Variants in SPECC1L observed in about 807,000 individuals in gnomAD.
SPECC1L encodes the protein sperm antigen with calponin homology and coiled-coil domains 1 like, also known as cytospin-A.
A neutral mutation model predicts 116.8 loss-of-function variants in SPECC1L; 40 were observed. The ratio of observed to expected loss-of-function variants is 0.34; its 90% confidence interval spans 0.27 to 0.45. The LOEUF (loss-of-function observed/expected upper bound fraction) is 0.45, where lower values mean the gene tolerates loss of function less well. Among genes scored for constraint, SPECC1L ranks in the 20% least tolerant of loss-of-function variants. The pLI is 1.00. For synonymous variants in SPECC1L, 504 were observed against 500.6 expected (o/e 1.01, Z -0.09); for missense variants, 1,110 against 1,373.6 (o/e 0.81, Z 3.03).
chr22:24,389,373 C>G (rs902496798), intron 14 of SPECC1L, among the ~76,000 whole-genome samples: 2 of 152,076 alleles, frequency 1.3e-5, no homozygotes, highest in South Asian at 2.1e-4. Flanking sequence ...CCTCAACCCC[C>G]CAAAGTGCTG....
Position 24,338,420 on chromosome 22 carries a change from G to T in SPECC1L, c.2595G>T (p.Thr865=), listed in dbSNP as rs768420598. 6.2e-7 allele frequency: 1 copy of T among 1,613,964 alleles called. No homozygotes were observed. The highest frequency in any genetic ancestry group is 8.5e-7 in the Non-Finnish European group (1 of 1,179,936). Residue 865 remains threonine, a synonymous_variant, in exon 10 of 17, where the codon ACG becomes ACT. Coordinates refer to ENST00000314328, the MANE Select transcript of SPECC1L (RefSeq NM_015330.6). The part of the protein sequence containing the change: ...PNPAAAAIPR[T]PLSPSPMKTP... ...CTGCTGCAGCTGCAATTCCTCGAAC[G>T]CCCCTGAGCCCAAGTCCTATGAAAA... is the stretch of plus-strand genomic sequence containing the variant.
At position 24,416,527 on chromosome 22, in the gene SPECC1L, T is replaced by A. The variant is rs1207657310; in HGVS notation, c.*1904T>A. ...TAAGTGTCTCTCCACTTAGGTGTCC[T>A]CAGTTCCCACTTTTGCTCTCATTTG... is the stretch of plus-strand genomic sequence containing the variant. On this transcript the variant is annotated 3_prime_UTR_variant, in exon 17 of 17. Transcript: ENST00000314328. 2 of 152,318 alleles carry A rather than the reference T, an allele frequency of 1.3e-5. No individual in the cohort carries two copies. The highest frequency in any genetic ancestry group is 2.9e-5 in the Non-Finnish European group (2 of 68,068). The allele number at this position is 152,318 out of a possible 1,614,324, so 9.4% of individuals were successfully genotyped here.
intron 2 of SPECC1L, among the ~76,000 whole-genome samples, chr22:24,286,981 A>AT: frequency 6.6e-6 from 1 of 152,232 alleles, no homozygotes; most frequent in East Asian, 1.9e-4. Context: ...GTCTAAGTAT[A>AT]CCCTAAATGT....
intron 3 of SPECC1L, among the ~76,000 whole-genome samples, chr22:24,303,380 G>T (rs1466965792): frequency 6.6e-6 from 1 of 152,212 alleles, no homozygotes; most frequent in Non-Finnish European, 1.5e-5. Context: ...GGAGGATGGT[G>T]CCAGGAATAG....
At chr22:24,273,692 A>T (rs2048775443) in intron 1 of SPECC1L, among the ~76,000 whole-genome samples, 2 of 152,176 alleles carry the variant, frequency 1.3e-5, no homozygotes, top group East Asian at 3.8e-4. Context: ...ATCCACTGAG[A>T]AAGCTGTTAA....
chr22:24,285,886 C>T (rs1312667700), intron 2 of SPECC1L, among the ~76,000 whole-genome samples: 1 of 152,222 alleles, frequency 6.6e-6, no homozygotes, highest in Non-Finnish European at 1.5e-5. Context: ...ATGATCCGCC[C>T]GCCTCAGCCT....
intron 3 of SPECC1L, among the ~76,000 whole-genome samples, chr22:24,311,804 C>CAAAAAA (rs915422222): frequency 4.1e-4 from 19 of 46,476 alleles, no homozygotes; most frequent in East Asian, 7.4e-4. Flanking sequence ...GACTTTGTCT[C>CAAAAAA]AAAAAAAAAA....
intron 10 of SPECC1L, among the ~76,000 whole-genome samples, chr22:24,345,182 T>C (rs2146555867): frequency 6.6e-6 from 1 of 152,284 alleles, no homozygotes; most frequent in African/African-American, 2.4e-5. Context: ...GTCGATTTTC[T>C]ACAAAGATAC....
At chr22:24,326,041 C>A (rs980018571) in intron 6 of SPECC1L, among the ~76,000 whole-genome samples, 1 of 151,984 alleles carries the variant, frequency 6.6e-6, no homozygotes, top group Admixed American at 6.6e-5. Flanking sequence ...GCAACCTCTG[C>A]CCCCCGGGTT....
intron 11 of SPECC1L, among the ~76,000 whole-genome samples, chr22:24,349,398 G>C (rs1215697004): frequency 6.6e-6 from 1 of 152,176 alleles, no homozygotes; most frequent in African/African-American, 2.4e-5. Context: ...GCTCAACACA[G>C]GGCCTTTGTT....
intron 10 of SPECC1L, among the ~76,000 whole-genome samples, chr22:24,341,206 G>T (rs899874642): frequency 5.3e-5 from 8 of 152,206 alleles, no homozygotes; most frequent in African/African-American, 1.9e-4. Flanking sequence ...ATAGAGAAAG[G>T]AGTATAGAAA....
intron 9 of SPECC1L, 58 bp from the exon 10 acceptor site, chr22:24,338,328 C>G (rs1449153177): frequency 6.5e-6 from 10 of 1,534,728 alleles, no homozygotes; most frequent in South Asian, 1.1e-5. Context: ...AAGTGGAGAC[C>G]AGTTAAGCTT....
At position 24,321,745 on chromosome 22, in the gene SPECC1L, A is replaced by C; in HGVS notation, c.765A>C (p.Glu255Asp). 6.2e-7 allele frequency: 1 copy of C among 1,614,266 alleles called. No individual in the cohort carries two copies. The highest frequency in any genetic ancestry group is 8.5e-7 in the Non-Finnish European group (1 of 1,180,056). Residue 255 changes from glutamate (E) to aspartate (D), a missense_variant, in exon 5 of 17, where the codon GAA becomes GAC. Glu to Asp is a conservative substitution (Grantham distance 45). This residue lies in a region of SPECC1L where 437 missense variants were observed against 482.6 expected (regional missense o/e 0.91). Transcript: ENST00000314328. Reference protein sequence around the residue: ...QLQEQNTAIREELNQLKNENR... With the variant: ...QLQEQNTAIRDELNQLKNENR... Reference sequence around the variant, plus strand: ...AGGAACAGAATACTGCCATCCGTGAAGAACTCAACCAGCTGAAAAATGAAA... The same window carrying C: ...AGGAACAGAATACTGCCATCCGTGACGAACTCAACCAGCTGAAAAATGAAA...
At chr22:24,349,971 CAG>C (rs1360782306) in intron 11 of SPECC1L, among the ~76,000 whole-genome samples, 3 of 152,186 alleles carry the variant, frequency 2.0e-5, no homozygotes, top group African/African-American at 7.2e-5. Context: ...AGAGTTCTCT[CAG>C]GGGCCTCCAG....
intron 11 of SPECC1L, among the ~76,000 whole-genome samples, chr22:24,356,300 A>G (rs572401709): frequency 1.3e-5 from 2 of 152,070 alleles, no homozygotes; most frequent in East Asian, 3.9e-4. Context: ...GTGGATTTCT[A>G]TTTCTCCTTT....
intron 7 of SPECC1L, 128 bp downstream of exon 7, chr22:24,329,047 T>TG: frequency 1.3e-6 from 1 of 752,228 alleles, no homozygotes; most frequent in Non-Finnish European, 2.3e-6. Flanking sequence ...CATTGGGCTT[T>TG]GGGCAGAAAG....
rs184820388 is a variant in SPECC1L at position 24,314,550 on chromosome 22, C to T, written c.307+1084C>T. On this transcript the variant is annotated intron_variant, in intron 4 of 16. Transcript: ENST00000314328. ...CCATATATAATTGGCTGATGTGTCTCTTAAATCTTCTTTTTTAAAATCCAT... is the reference window on the plus strand; with the variant it reads ...CCATATATAATTGGCTGATGTGTCTTTTAAATCTTCTTTTTTAAAATCCAT... Among the ~76,000 whole-genome samples the T allele has an allele frequency of 4.1e-3, 618 of 152,250 alleles. 7 individuals carry two copies. The highest frequency in any genetic ancestry group is 0.014 in the African/African-American group (577 of 41,536).
chr22:24,272,498 C>T (rs1458767202), intron 1 of SPECC1L, among the ~76,000 whole-genome samples: 1 of 152,072 alleles, frequency 6.6e-6, no homozygotes, highest in African/African-American at 2.4e-5. Context: ...CATGGTGAAA[C>T]CCCGTCTCTA....
intron 11 of SPECC1L, among the ~76,000 whole-genome samples, chr22:24,355,439 C>CT (rs1265183975): frequency 6.6e-6 from 1 of 152,094 alleles, no homozygotes; most frequent in East Asian, 1.9e-4. Flanking sequence ...GTCTGTCTGT[C>CT]TGTCTACCTA....
Sources: allele counts gnomAD v4.1 joint callset (sites outside exome capture counted in the v4.1 genomes callset), GRCh38; gene constraint gnomAD v4.1.1; regional missense constraint gnomAD v4.1.1; transcripts MANE v1.5; gene names NCBI Gene and HGNC (gene_info 2026-07-23, HGNC 2026-07-21).